The following GPATCH2 variants were observed in gnomAD, a reference collection of about 807,000 sequenced individuals.
GPATCH2 encodes the protein G-patch domain containing 2.
GPATCH2 carries 51 observed loss-of-function variants against 58.0 expected under a neutral mutation model. The ratio of observed to expected loss-of-function variants is 0.88; its 90% CI spans 0.70 to 1.11. The LOEUF (loss-of-function observed/expected upper bound fraction) is 1.11, where lower values mean the gene tolerates loss of function less well. Among genes scored for constraint, GPATCH2 ranks in the 50% most tolerant of loss-of-function variants. The probability of loss-of-function intolerance (pLI) is 0.00; values close to 1 mark genes in which losing one functional copy is unlikely to be tolerated. For missense variants in GPATCH2, 625 were observed against 652.2 expected, an observed-to-expected ratio of 0.96 and a Z score of 0.45; for synonymous variants, 222 against 218.5, an observed-to-expected ratio of 1.02 and a Z score of -0.14.
chr1:217,556,771 G>A (rs1272956009), intron 5 of GPATCH2, among the ~76,000 whole-genome samples: 1 of 152,118 alleles, frequency 6.6e-6, no homozygotes, highest in Non-Finnish European at 1.5e-5. Context: ...TTTACTGGCT[G>A]GTGCCTTTTT....
At chr1:217,616,242 A>C (rs1412920474) in intron 2 of GPATCH2, among the ~76,000 whole-genome samples, 2 of 152,184 alleles carry the variant, frequency 1.3e-5, no homozygotes, top group East Asian at 3.8e-4. Context: ...TAAACTATGC[A>C]CACACACATA....
At chr1:217,532,741 T>C (rs1007708667) in intron 5 of GPATCH2, among the ~76,000 whole-genome samples, 13 of 152,008 alleles carry the variant, frequency 8.6e-5, no homozygotes, top group African/African-American at 2.9e-4. Flanking sequence ...TATGAAGGCC[T>C]GGAAACAAGG....
At chr1:217,435,930 T>G (rs916689268) in intron 9 of GPATCH2, among the ~76,000 whole-genome samples, 1 of 152,200 alleles carries the variant, frequency 6.6e-6, no homozygotes, top group African/African-American at 2.4e-5. Context: ...CAGACATACT[T>G]CATGATACTT....
At chr1:217,588,603 T>G (rs1194664147) in intron 5 of GPATCH2, among the ~76,000 whole-genome samples, 1 of 152,088 alleles carries the variant, frequency 6.6e-6, no homozygotes, top group African/African-American at 2.4e-5. Context: ...CAAAATGAAA[T>G]AGAGTAAAAA....
At chr1:217,509,304 G>A (rs1301667935) in intron 6 of GPATCH2, among the ~76,000 whole-genome samples, 1 of 152,098 alleles carries the variant, frequency 6.6e-6, no homozygotes, top group South Asian at 2.1e-4. Context: ...TCGCGCCACT[G>A]CACTCCAGTC....
chr1:217,524,323 C>T (rs1663695013), intron 5 of GPATCH2, among the ~76,000 whole-genome samples: 1 of 151,108 alleles, frequency 6.6e-6, no homozygotes, highest in African/African-American at 2.4e-5. Flanking sequence ...AAGAGGCGCT[C>T]CTCACTTCCT....
chr1:217,618,911 T>C, intron 2 of GPATCH2, among the ~76,000 whole-genome samples: 1 of 150,692 alleles, frequency 6.6e-6, no homozygotes, highest in Non-Finnish European at 1.5e-5. Flanking sequence ...TGCAATGAGC[T>C]GAGATCACAC....
intron 5 of GPATCH2, among the ~76,000 whole-genome samples, chr1:217,567,875 G>A (rs1297291185): frequency 6.6e-6 from 1 of 152,188 alleles, no homozygotes; most frequent in Non-Finnish European, 1.5e-5. Context: ...CCAGCAATTT[G>A]GGAGGCCAAG....
At chr1:217,608,865 C>T (rs2102810985) in intron 5 of GPATCH2, 1 of 984,306 alleles carries the variant, frequency 1.0e-6, no homozygotes, top group South Asian at 4.7e-5. Context: ...CTCAAAGTTG[C>T]ATTTTACCAT....
At chr1:217,535,686 G>A (rs1664425807) in intron 5 of GPATCH2, among the ~76,000 whole-genome samples, 1 of 152,116 alleles carries the variant, frequency 6.6e-6, no homozygotes, top group African/African-American at 2.4e-5. Context: ...GTAAAAGCTA[G>A]AAAGAAGACT....
At chr1:217,484,333 T>C (rs530148826) in intron 8 of GPATCH2, among the ~76,000 whole-genome samples, 4 of 151,980 alleles carry the variant, frequency 2.6e-5, no homozygotes, top group Non-Finnish European at 4.4e-5. Flanking sequence ...TGCTTTTGGA[T>C]TGGAACTAAA....
intron 9 of GPATCH2, among the ~76,000 whole-genome samples, chr1:217,435,747 A>G (rs79999901): frequency 0.014 from 2,139 of 152,332 alleles, 32 homozygotes; most frequent in Middle Eastern, 0.044. Flanking sequence ...ATTTAGGGAC[A>G]TGGATTTTTG....
chr1:217,517,579 G>T (rs759700723), intron 5 of GPATCH2, among the ~76,000 whole-genome samples: 4 of 152,034 alleles, frequency 2.6e-5, no homozygotes, highest in Admixed American at 6.5e-5. Context: ...AAACTTCAAG[G>T]AACATACTTA....
intron 1 of GPATCH2, among the ~76,000 whole-genome samples, chr1:217,620,779 A>G (rs1244992568): frequency 6.6e-6 from 1 of 152,214 alleles, no homozygotes; most frequent in Non-Finnish European, 1.5e-5. Context: ...CTGTATAATT[A>G]TGGAAAAGTT....
intron 8 of GPATCH2, among the ~76,000 whole-genome samples, chr1:217,480,343 G>A (rs1661159669): frequency 6.6e-6 from 1 of 152,086 alleles, no homozygotes; most frequent in Non-Finnish European, 1.5e-5. Flanking sequence ...GATTTGAATA[G>A]ACATTTCTCA....
chr1:217,454,209 C>A (rs1659810681), intron 8 of GPATCH2, among the ~76,000 whole-genome samples: 1 of 151,952 alleles, frequency 6.6e-6, no homozygotes, highest in African/African-American at 2.4e-5. Flanking sequence ...AGCTTTTTTT[C>A]CTTTAGTACC....
At chr1:217,431,785 C>A (rs547695444) in intron 9 of GPATCH2, among the ~76,000 whole-genome samples, 1 of 152,174 alleles carries the variant, frequency 6.6e-6, no homozygotes, top group Admixed American at 6.5e-5. Context: ...AAATCACCAA[C>A]CTATATTGTA....
At chr1:217,598,522 G>A (rs887137754) in intron 5 of GPATCH2, among the ~76,000 whole-genome samples, 4 of 151,728 alleles carry the variant, frequency 2.6e-5, no homozygotes, top group Non-Finnish European at 4.4e-5. Context: ...GCGCAGTCTT[G>A]GTTCACTGCA....
At position 217,571,685 on chromosome 1, in the gene GPATCH2, G is replaced by A. The variant is rs186361255; in HGVS notation, c.1098+38636C>T. Among the ~76,000 whole-genome samples, 89 of 30,018 alleles carry A rather than the reference G, an allele frequency of 3.0e-3. 1 individual carries two copies. Among genetic ancestry groups the A allele is most frequent in the African/African-American group, 8.5e-3 (85 of 9,966 alleles). The allele number at this position is 30,018 out of a possible 152,430, so 19.7% of individuals were successfully genotyped here. A position where few individuals can be genotyped will look rare whatever the true frequency, so the allele number is the denominator to read the frequency against. On this transcript the variant is annotated intron_variant, in intron 5 of 9. Coordinates refer to ENST00000366935, the MANE Select transcript of GPATCH2 (RefSeq NM_018040.5). ...CAAAAAATACAAAAATTCGCCCAGC[G>A]AAGAACAAAAACGAAACCAAAAAAA...
Sources: gnomAD v4.1 joint callset for allele counts (sites outside exome capture counted in the v4.1 genomes callset) on GRCh38, gnomAD v4.1.1 for gene constraint, MANE v1.5 for transcripts, NCBI Gene and HGNC (gene_info 2026-07-23, HGNC 2026-07-21) for gene names.